Variants in SPAG16 observed in about 807,000 individuals in gnomAD.
SPAG16 encodes sperm associated antigen 16.
SPAG16 carries 86 observed loss-of-function variants against 80.4 expected under a neutral mutation model. The ratio of observed to expected loss-of-function variants is 1.07; its 90% confidence interval spans 0.90 to 1.28. SPAG16 has a LOEUF of 1.28. Ranked by LOEUF, SPAG16 falls within the 50% of genes most tolerant of loss-of-function variation. The pLI, the probability that SPAG16 is intolerant of heterozygous loss-of-function variation, is 0.00. For synonymous variants in SPAG16, 294 were observed against 265.9 expected, an observed-to-expected ratio of 1.11 and a Z score of -1.03; for missense variants, 870 against 765.3, an observed-to-expected ratio of 1.14 and a Z score of -1.61.
At chr2:214,298,139 C>T (rs9711624) in intron 15 of SPAG16, among the ~76,000 whole-genome samples, 2 of 35,426 alleles carry the variant, frequency 5.6e-5, no homozygotes, top group African/African-American at 1.3e-4. Context: ...CACACATACA[C>T]ATACACACAC....
chr2:214,409,065 TACTA>T lies in SPAG16; in HGVS notation c.1721-1070_1721-1067del, dbSNP rs563884291. Among the ~76,000 whole-genome samples the T allele has an allele frequency of 2.1e-3, 316 of 151,650 alleles. 1 individual carries two copies. The highest frequency in any genetic ancestry group is 0.018 in the South Asian group (87 of 4,812). Reference sequence around the variant, plus strand: ...TTAAAATATTAGTTACTACTATTAGTACTAACTATTTAAAATATTAAATAGTTAA... The same window carrying T: ...TTAAAATATTAGTTACTACTATTAGTACTATTTAAAATATTAAATAGTTAA... On this transcript the variant is annotated intron_variant, in intron 15 of 15. Transcript: ENST00000331683.
intron 15 of SPAG16, among the ~76,000 whole-genome samples, chr2:214,371,683 TAA>T (rs1443877397): frequency 5.4e-5 from 3 of 55,690 alleles, no homozygotes; most frequent in African/African-American, 1.4e-4. Context: ...TTATAGATAA[TAA>T]TTTTTTTTTT....
intron 15 of SPAG16, among the ~76,000 whole-genome samples, chr2:214,270,306 T>C (rs1187887894): frequency 6.6e-6 from 1 of 152,204 alleles, no homozygotes; most frequent in African/African-American, 2.4e-5. Context: ...GTTCAAGCTT[T>C]CTTTTGGACC....
intron 10 of SPAG16, among the ~76,000 whole-genome samples, chr2:213,841,426 T>TC (rs1410779841): frequency 1.3e-5 from 2 of 152,052 alleles, no homozygotes; most frequent in Admixed American, 1.3e-4. Context: ...TTAATGTCAC[T>TC]TTTTTTTCCA....
intron 15 of SPAG16, among the ~76,000 whole-genome samples, chr2:214,224,594 G>A (rs2058657771): frequency 6.6e-6 from 1 of 152,070 alleles, no homozygotes; most frequent in African/African-American, 2.4e-5. Context: ...GGATTTCTGG[G>A]GAAAGGCTGT....
intron 10 of SPAG16, among the ~76,000 whole-genome samples, chr2:213,687,511 T>C (rs1394540255): frequency 6.6e-6 from 1 of 152,230 alleles, no homozygotes; most frequent in African/African-American, 2.4e-5. Context: ...ATTTTTTAAA[T>C]GATATTCTTC....
chr2:213,393,890 G>A (rs1219794775), intron 9 of SPAG16, among the ~76,000 whole-genome samples: 2 of 151,992 alleles, frequency 1.3e-5, no homozygotes, highest in East Asian at 1.9e-4. Context: ...TAGCTTCTGT[G>A]AAATAACAGT....
At chr2:214,337,564 C>G (rs1426552325) in intron 15 of SPAG16, among the ~76,000 whole-genome samples, 1 of 152,152 alleles carries the variant, frequency 6.6e-6, no homozygotes, top group African/African-American at 2.4e-5. Context: ...CTGTTAAAAT[C>G]AGGTCTACCA....
In SPAG16 at chr2:213,675,329, G is replaced by C. The variant is rs560372132; in HGVS notation, c.1070+185239G>C. Among the ~76,000 whole-genome samples the C allele has an allele frequency of 1.2e-4, 19 of 152,216 alleles. No homozygotes were observed. The East Asian group carries it at 3.7e-3, about 29-fold the overall frequency. On this transcript the variant is annotated intron_variant, in intron 10 of 15. Coordinates refer to ENST00000331683, the MANE Select transcript of SPAG16 (RefSeq NM_024532.5). ...GGTTGTGAAAATTTTCTCCCATTTT[G>C]TGGGTTGCCTGTTCACTCTGATGGT... is the stretch of plus-strand genomic sequence containing the variant.
At chr2:213,334,394 G>A (rs373573038) in intron 5 of SPAG16, among the ~76,000 whole-genome samples, 6 of 152,266 alleles carry the variant, frequency 3.9e-5, no homozygotes, top group East Asian at 1.9e-4. Flanking sequence ...AGAACAGTTC[G>A]CAGTTCCTCA....
chr2:214,041,282 T>A (rs1037541412), intron 13 of SPAG16, among the ~76,000 whole-genome samples: 1 of 152,000 alleles, frequency 6.6e-6, no homozygotes, highest in Admixed American at 6.6e-5. Context: ...AGTATTGTGT[T>A]AAAGTTTTCT....
intron 10 of SPAG16, among the ~76,000 whole-genome samples, chr2:213,791,292 GA>G (rs889875638): frequency 1.9e-4 from 28 of 145,590 alleles, no homozygotes; most frequent in Admixed American, 4.1e-4. Flanking sequence ...ACTAAAGTTT[GA>G]AAAAAAAAAC....
intron 12 of SPAG16, among the ~76,000 whole-genome samples, chr2:213,987,701 T>C (rs2106439913): frequency 6.6e-6 from 1 of 151,756 alleles, no homozygotes; most frequent in Admixed American, 6.6e-5. Flanking sequence ...TACTGGGATC[T>C]GCACACATTT....
intron 9 of SPAG16, among the ~76,000 whole-genome samples, chr2:213,385,419 C>G (rs923318693): frequency 6.6e-6 from 1 of 152,160 alleles, no homozygotes; most frequent in Non-Finnish European, 1.5e-5. Flanking sequence ...TTCTACCTCT[C>G]TTACCTCAAT....
intron 10 of SPAG16, among the ~76,000 whole-genome samples, chr2:213,720,428 C>G (rs1266869506): frequency 6.7e-6 from 1 of 149,578 alleles, no homozygotes; most frequent in African/African-American, 2.5e-5. Context: ...GAGATCGAGA[C>G]TATCCTGCCT....
intron 10 of SPAG16, among the ~76,000 whole-genome samples, chr2:213,710,773 C>A (rs777994790): frequency 3.9e-5 from 6 of 152,110 alleles, no homozygotes; most frequent in Admixed American, 3.9e-4. Flanking sequence ...ATATTAAGGG[C>A]CTATACTGGT....
chr2:214,259,732 T>A (rs551666931), intron 15 of SPAG16, among the ~76,000 whole-genome samples: 1 of 152,194 alleles, frequency 6.6e-6, no homozygotes, highest in Non-Finnish European at 1.5e-5. Context: ...TCGTCTGTAT[T>A]CCTAAATTTG....
chr2:213,469,331 G>T (rs111234642), intron 9 of SPAG16, among the ~76,000 whole-genome samples: 3,515 of 152,150 alleles, frequency 0.023, 56 homozygotes, highest in South Asian at 0.038. Flanking sequence ...TAAATGCTGA[G>T]GTGAAGTCAA....
At chr2:213,352,385 A>T (rs961683554) in intron 7 of SPAG16, among the ~76,000 whole-genome samples, 1 of 152,062 alleles carries the variant, frequency 6.6e-6, no homozygotes, top group Non-Finnish European at 1.5e-5. Flanking sequence ...TTTATTCTAT[A>T]TCCTGAGGTA....
Sources: gnomAD v4.1 joint callset for allele counts (sites outside exome capture counted in the v4.1 genomes callset) on GRCh38, gnomAD v4.1.1 for gene constraint, MANE v1.5 for transcripts, NCBI Gene and HGNC (gene_info 2026-07-23, HGNC 2026-07-21) for gene names.